Variants in HELQ observed in about 807,000 individuals in gnomAD.
HELQ encodes helicase, POLQ like, also known as helicase POLQ-like.
A neutral mutation model predicts 111.6 loss-of-function variants in HELQ; 77 were observed. The observed-to-expected ratio is 0.69, with a 90% CI of 0.57 to 0.83. HELQ has a LOEUF of 0.83. HELQ is among the 40% of genes least tolerant of loss of function. HELQ has a pLI of 0.00. For missense variants in HELQ, 1,200 were observed against 1,288.5 expected (o/e 0.93, Z 1.05); for synonymous variants, 438 against 454.7 (o/e 0.96, Z 0.47).
At chr4:83,409,578 C>A (rs58580967) in intron 17 of HELQ, among the ~76,000 whole-genome samples, 30,780 of 151,052 alleles carry the variant, frequency 0.2, 5,532 homozygotes, top group African/African-American at 0.49. Context: ...AAAAGAAAAC[C>A]AATAAGAACC....
At chr4:83,421,847 A>G (rs1021573107) in intron 14 of HELQ, 111 bp from the exon 15 acceptor site, 2 of 748,748 alleles carry the variant, frequency 2.7e-6, no homozygotes, top group African/African-American at 3.6e-5. Context: ...CAAGGATAGA[A>G]TAATTCCATA....
At chr4:83,416,172 T>A (rs1244190922) in intron 17 of HELQ, among the ~76,000 whole-genome samples, 1 of 151,854 alleles carries the variant, frequency 6.6e-6, no homozygotes, top group Non-Finnish European at 1.5e-5. Flanking sequence ...GGTCTCGAAC[T>A]CCTGACCTCA....
intron 11 of HELQ, among the ~76,000 whole-genome samples, chr4:83,430,893 G>C (rs994660811): frequency 6.6e-6 from 1 of 151,136 alleles, no homozygotes; most frequent in Non-Finnish European, 1.5e-5. Context: ...AAGAGTGCAG[G>C]GGGGCAGGGG....
At chr4:83,440,068 T>A in intron 7 of HELQ, 60 bp from the exon 8 acceptor site, 16 of 1,309,770 alleles carry the variant, frequency 1.2e-5, no homozygotes, top group Non-Finnish European at 1.7e-5. Context: ...CTGTCAATTT[T>A]TTACCAGTGT....
At chr4:83,423,649 G>A (rs1164563766) in intron 14 of HELQ, among the ~76,000 whole-genome samples, 7 of 152,064 alleles carry the variant, frequency 4.6e-5, no homozygotes, top group Admixed American at 4.6e-4. Flanking sequence ...GGTGGCTCAC[G>A]CTTGTAATCC....
At chr4:83,408,755 C>T (rs1221527865) in intron 17 of HELQ, among the ~76,000 whole-genome samples, 1 of 150,578 alleles carries the variant, frequency 6.6e-6, no homozygotes, top group Non-Finnish European at 1.5e-5. Context: ...TTGCAGAGAT[C>T]CAGATGGGGT....
At chr4:83,421,412 G>A (rs975391996) in intron 15 of HELQ, 151 bp downstream of exon 15, 7 of 593,676 alleles carry the variant, frequency 1.2e-5, no homozygotes, top group Admixed American at 9.6e-5. Context: ...AAAAACAAAC[G>A]TACATTTTAA....
At position 83,455,595 on chromosome 4, in the gene HELQ, C is replaced by G; in HGVS notation, c.99G>C (p.Glu33Asp). The G allele has an allele frequency of 6.2e-7, 1 of 1,614,148 alleles. No homozygotes were observed. The highest frequency in any genetic ancestry group is 1.1e-5 in the South Asian group (1 of 91,078). ...GCIFGAPTAA[E>D]LVPGDEGKEE... ...CTTTCCCCTCATCTCCGGGCACGAG[C>G]TCGGCCGCGGTGGGAGCGCCAAAAA... is the stretch of plus-strand genomic sequence containing the variant. Residue 33 changes from glutamate to aspartate, a missense_variant, in exon 1 of 18, where the codon GAG (glutamate) becomes GAC (aspartate). Around this residue, in one of 3 missense-constraint regions of HELQ, gnomAD observed 610 missense variants for 607.1 expected, o/e 1.00. Coordinates refer to ENST00000295488, the MANE Select transcript of HELQ (RefSeq NM_133636.5).
intron 17 of HELQ, among the ~76,000 whole-genome samples, chr4:83,410,870 G>A (rs1739048386): frequency 6.6e-6 from 1 of 151,928 alleles, no homozygotes. Context: ...GCCAAGCTAG[G>A]ATAGGCAAGG....
At chr4:83,437,999 T>G (rs967511962) in intron 8 of HELQ, among the ~76,000 whole-genome samples, 1 of 152,248 alleles carries the variant, frequency 6.6e-6, no homozygotes, top group African/African-American at 2.4e-5. Context: ...GAGAATTTTT[T>G]TAATGATAAT....
chr4:83,432,306 G>T, intron 9 of HELQ, 39 bp from the exon 10 acceptor site: 1 of 1,411,714 alleles, frequency 7.1e-7, no homozygotes, highest in South Asian at 1.8e-5. Flanking sequence ...ACAGCAAACA[G>T]CACCAATTTA....
chr4:83,437,537 C>T (rs1720525353), intron 8 of HELQ, among the ~76,000 whole-genome samples: 1 of 149,676 alleles, frequency 6.7e-6, no homozygotes, highest in Non-Finnish European at 1.5e-5. Context: ...ATTGCTTGAA[C>T]CCGGGAGTTT....
chr4:83,418,170 C>A lies in HELQ; in HGVS notation c.2986G>T (p.Val996Leu). The A allele has an allele frequency of 6.2e-7, 1 of 1,607,960 alleles. No individual in the cohort carries two copies. Among genetic ancestry groups the A allele is most frequent in the South Asian group, 1.1e-5 (1 of 89,596 alleles). Reference sequence around the variant, plus strand: ...TAAGTCAGCTTCTTGGTAAGTTCTACCAAAAGGGCTCTGTAAACCCAAAAC... The same window carrying A: ...TAAGTCAGCTTCTTGGTAAGTTCTAACAAAAGGGCTCTGTAAACCCAAAAC... Reference protein sequence around the residue: ...EEFWVYRALLVELTKKLTYCV... With the variant: ...EEFWVYRALLLELTKKLTYCV... The change falls in exon 16 of 18, where the codon GTA (valine) becomes TTA (leucine). Residue 996 changes from valine to leucine, a missense_variant. Physicochemically the swap from Val to Leu is conservative, Grantham distance 32. Coordinates refer to ENST00000295488, the MANE Select transcript of HELQ (RefSeq NM_133636.5).
intron 17 of HELQ, among the ~76,000 whole-genome samples, chr4:83,410,503 TAAG>T (rs1286988379): frequency 4.8e-5 from 7 of 147,082 alleles, no homozygotes; most frequent in African/African-American, 1.6e-4. Context: ...CAGTGCATTC[TAAG>T]ATTGAGGAAA....
chr4:83,427,266 G>A (rs1578078741), intron 13 of HELQ, among the ~76,000 whole-genome samples: 3 of 151,590 alleles, frequency 2.0e-5, no homozygotes, highest in Admixed American at 2.0e-4. Flanking sequence ...CATAAATGCT[G>A]TTGCCAGATT....
intron 13 of HELQ, 91 bp downstream of exon 13, chr4:83,427,472 T>G: frequency 9.2e-7 from 1 of 1,091,860 alleles, no homozygotes; most frequent in Middle Eastern, 2.2e-4. Context: ...CTGGGCAACA[T>G]GGCAAAGCCT....
chr4:83,431,793 G>T, intron 10 of HELQ, 25 bp from the exon 11 acceptor site: 1 of 932,834 alleles, frequency 1.1e-6, no homozygotes, highest in Non-Finnish European at 1.5e-6. Context: ...GCAAAACCAT[G>T]CCTTGTGTTA....
chr4:83,429,810 A>G, intron 11 of HELQ, 64 bp from the exon 12 acceptor site: 1 of 942,202 alleles, frequency 1.1e-6, no homozygotes, highest in South Asian at 1.5e-5. Context: ...TTGAATGCAT[A>G]TTAATCAAGA....
chr4:83,447,390 C>A (rs1208593236), intron 3 of HELQ, among the ~76,000 whole-genome samples: 1 of 151,876 alleles, frequency 6.6e-6, no homozygotes, highest in Non-Finnish European at 1.5e-5. Flanking sequence ...AAGTAAAAAA[C>A]CCCCCATTAG....
Sources: gnomAD v4.1 joint callset for allele counts (sites outside exome capture counted in the v4.1 genomes callset) on GRCh38, gnomAD v4.1.1 for gene constraint, gnomAD v4.1.1 regional missense constraint, MANE v1.5 for transcripts, NCBI Gene and HGNC (gene_info 2026-07-23, HGNC 2026-07-21) for gene names.